The following TXNDC11 variants were observed in gnomAD, a reference collection of about 807,000 sequenced individuals.
TXNDC11 encodes the protein thioredoxin domain containing 11, also known as thioredoxin domain-containing protein 11.
Under a neutral mutation model 78.0 loss-of-function variants are expected in TXNDC11, and 68 were observed. The ratio of observed to expected loss-of-function variants is 0.87; its 90% CI spans 0.72 to 1.07. The LOEUF (loss-of-function observed/expected upper bound fraction) is 1.07. Among genes scored for constraint, TXNDC11 ranks in the 50% least tolerant of loss-of-function variants. The pLI is 0.00. For synonymous variants in TXNDC11, 571 were observed against 495.2 expected, an observed-to-expected ratio of 1.15 and a Z score of -2.03; for missense variants, 1,389 against 1,221.8, an observed-to-expected ratio of 1.14 and a Z score of -2.04.
chr16:11,679,093 C>T lies in TXNDC11; in HGVS notation c.*102G>A. ...TGACATTCAAGCTGATTTTCTAGACCACTGAGAAAATCTTTATTTACAATA... is the reference window on the plus strand; with the variant it reads ...TGACATTCAAGCTGATTTTCTAGACTACTGAGAAAATCTTTATTTACAATA... On this transcript the variant is annotated 3_prime_UTR_variant, in exon 12 of 12. Transcript: ENST00000283033. The surrounding 1 kb of genome is among the most constrained non-coding windows in gnomAD (Gnocchi z 4.6). 8.1e-7 allele frequency: 1 copy of T among 1,239,322 alleles called. No homozygotes were observed. The highest frequency in any genetic ancestry group is 2.6e-5 in the Admixed American group (1 of 37,950). The allele number at this position is 1,239,322 out of a possible 1,614,324, so 76.8% of individuals were successfully genotyped here. A position where few individuals can be genotyped will look rare whatever the true frequency, so the allele number is the denominator to read the frequency against.
At chr16:11,696,875 C>T (rs1028124318) in intron 7 of TXNDC11, among the ~76,000 whole-genome samples, 1 of 152,196 alleles carries the variant, frequency 6.6e-6, no homozygotes, top group African/African-American at 2.4e-5. Context: ...AAATACAACC[C>T]AGCCAGGACC....
At chr16:11,717,434 G>GAAAAAAAA (rs58884197) in intron 5 of TXNDC11, among the ~76,000 whole-genome samples, 32 of 62,208 alleles carry the variant, frequency 5.1e-4, no homozygotes, top group African/African-American at 7.5e-4. Context: ...GACTCCAAAT[G>GAAAAAAAA]AAAAAAAAAA....
chr16:11,699,819 G>C (rs1317572393), intron 6 of TXNDC11, among the ~76,000 whole-genome samples: 1 of 152,240 alleles, frequency 6.6e-6, no homozygotes, highest in Non-Finnish European at 1.5e-5. Flanking sequence ...CTTCAGGAAA[G>C]TCAACTCAGT....
Position 11,691,592 on chromosome 16 carries a change from G to C in TXNDC11, c.1598C>G (p.Ala533Gly), listed in dbSNP as rs749466382. The C allele has an allele frequency of 2.5e-6, 4 of 1,614,072 alleles. No individual in the cohort carries two copies. Among genetic ancestry groups the C allele is most frequent in the Non-Finnish European group, 2.5e-6 (3 of 1,180,044 alleles). The change falls in exon 8 of 12, where the codon GCA becomes GGA. Residue 533 changes from alanine to glycine, a missense_variant. Physicochemically the swap from Ala to Gly is moderately conservative, Grantham distance 60. Coordinates refer to ENST00000283033, the MANE Select transcript of TXNDC11 (RefSeq NM_015914.7). ...EQGVFEAPTV[A>G]FSSLEKKCEV... ...ACATTTCTTCTCAAGGGAAGAAAAT[G>C]CAACAGTAGGGGCTTCAAAGACACC...
At position 11,732,294 on chromosome 16, in the gene TXNDC11, T is replaced by G. The variant is rs1042937639; in HGVS notation, c.570-1520A>C. Among the ~76,000 whole-genome samples the G allele has an allele frequency of 3.3e-5, 5 of 152,170 alleles. No homozygotes were observed. The South Asian group carries it at 1.0e-3, about 31-fold the overall frequency. ...TTGATTCCATGGAACTCTTCTGATT[T>G]TAATGTCACATCACGTTATGTCCAC... On this transcript the variant is annotated intron_variant, in intron 3 of 11. Coordinates refer to ENST00000283033, the MANE Select transcript of TXNDC11 (RefSeq NM_015914.7).
intron 5 of TXNDC11, among the ~76,000 whole-genome samples, chr16:11,707,905 A>G (rs1227167153): frequency 6.6e-6 from 1 of 151,986 alleles, no homozygotes; most frequent in Non-Finnish European, 1.5e-5. Flanking sequence ...CAAGAGAGTG[A>G]GACCCTAGCT....
chr16:11,698,397 T>C, intron 6 of TXNDC11, 72 bp from the exon 7 acceptor site: 1 of 1,365,200 alleles, frequency 7.3e-7, no homozygotes, highest in Non-Finnish European at 1.0e-6. Flanking sequence ...ACATCAGTGC[T>C]GTTCCAACCC....
intron 11 of TXNDC11, 91 bp downstream of exon 11, chr16:11,684,074 T>G: frequency 1.1e-6 from 1 of 915,286 alleles, no homozygotes; most frequent in Non-Finnish European, 1.7e-6. Flanking sequence ...TTTTTGAACA[T>G]AATGAATGAT....
chr16:11,718,951 T>C (rs2051624133), intron 5 of TXNDC11, among the ~76,000 whole-genome samples: 1 of 152,256 alleles, frequency 6.6e-6, no homozygotes. Context: ...CCTTATTTTA[T>C]ATCTATTTTA....
chr16:11,691,823 C>T lies in TXNDC11; in HGVS notation c.1367G>A (p.Ser456Asn). The T allele has an allele frequency of 6.2e-7, 1 of 1,614,272 alleles. No individual in the cohort carries two copies. The highest frequency in any genetic ancestry group is 8.5e-7 in the Non-Finnish European group (1 of 1,180,040). ...VNQTSGGMKPSSVSVPQCSFF... is the reference protein window; with the variant it reads ...VNQTSGGMKPNSVSVPQCSFF... ...GCTGCACTGTGGCACGCTGACCGAG[C>T]TCGGCTTCATGCCCCCGGAGGTCTG... The change falls in exon 8 of 12, where the codon AGC becomes AAC. Residue 456 changes from serine to asparagine, a missense_variant. By Grantham distance (46) the Ser-to-Asn change is conservative. Coordinates refer to ENST00000283033, the MANE Select transcript of TXNDC11 (RefSeq NM_015914.7).
chr16:11,733,564 T>G (rs2141117802), intron 3 of TXNDC11, among the ~76,000 whole-genome samples: 1 of 152,164 alleles, frequency 6.6e-6, no homozygotes, highest in East Asian at 1.9e-4. Flanking sequence ...GACTGTGTAC[T>G]TGTAGTAATT....
At chr16:11,739,766 C>T (rs1219604607) in intron 1 of TXNDC11, among the ~76,000 whole-genome samples, 2 of 151,916 alleles carry the variant, frequency 1.3e-5, no homozygotes, top group East Asian at 1.9e-4. Context: ...CAGAAACGCA[C>T]GATTATTCAC....
chr16:11,705,116 C>T (rs2051146936), intron 5 of TXNDC11, among the ~76,000 whole-genome samples: 1 of 151,996 alleles, frequency 6.6e-6, no homozygotes, highest in Non-Finnish European at 1.5e-5. Flanking sequence ...AGGATGATCT[C>T]GAACTCCTAA....
Position 11,679,299 on chromosome 16 carries a change from G to T in TXNDC11, c.2773C>A (p.Pro925Thr). The change falls in exon 12 of 12, where the codon CCT becomes ACT. Residue 925 changes from proline to threonine, a missense_variant. Transcript: ENST00000283033. This position sits in a 1 kb window ranked among gnomAD's most constrained non-coding sequence, Gnocchi z 4.6. ...AGCTGGGGGGTGGCTGAGGGCTCAGGCTGCTTGGGGTGGACCTCTCTCTGG... is the reference window on the plus strand; with the variant it reads ...AGCTGGGGGGTGGCTGAGGGCTCAGTCTGCTTGGGGTGGACCTCTCTCTGG... The part of the protein sequence containing the change: ...AAQREVHPKQ[P>T]EPSATPQLPG... The T allele has an allele frequency of 1.2e-6, 2 of 1,612,760 alleles. No individual in the cohort carries two copies. Among genetic ancestry groups the T allele is most frequent in the Non-Finnish European group, 8.5e-7 (1 of 1,179,900 alleles).
chr16:11,717,792 G>A (rs1180960001), intron 5 of TXNDC11, among the ~76,000 whole-genome samples: 2 of 151,644 alleles, frequency 1.3e-5, no homozygotes, highest in African/African-American at 4.9e-5. Flanking sequence ...CTGCACTCCA[G>A]CCTGAACGAC....
chr16:11,742,646 C>T lies in TXNDC11; in HGVS notation c.85G>A (p.Gly29Ser). 1 of 1,460,436 alleles carries T rather than the reference C, an allele frequency of 6.8e-7. No individual in the cohort carries two copies. The highest frequency in any genetic ancestry group is 9.0e-7 in the Non-Finnish European group (1 of 1,112,042). The allele number at this position is 1,460,436 out of a possible 1,614,324, so 90.5% of individuals were successfully genotyped here. The change falls in exon 1 of 12, where the codon GGC becomes AGC. Residue 29 changes from glycine (G) to serine (S), a missense_variant. By Grantham distance (56) the Gly-to-Ser change is moderately conservative (BLOSUM62 0). Transcript: ENST00000283033. The stretch of plus-strand genomic sequence containing the variant: ...GGGCTCGAGCTGAGGCAGTCTGAGC[C>T]CGCGGGGCCGCCGCCGCCCCCTCCC... Reference protein sequence around the residue: ...DEGGGGGGPAGSDCLSSSPTL... With the variant: ...DEGGGGGGPASSDCLSSSPTL...
intron 5 of TXNDC11, among the ~76,000 whole-genome samples, chr16:11,711,729 G>A (rs1438176621): frequency 6.6e-6 from 1 of 152,150 alleles, no homozygotes; most frequent in African/African-American, 2.4e-5. Flanking sequence ...GTAAGAAGCG[G>A]AGCTTTTTAA....
intron 5 of TXNDC11, among the ~76,000 whole-genome samples, chr16:11,717,434 G>GAAAAAAAAAAAAAAAA (rs58884197): frequency 4.8e-5 from 3 of 62,328 alleles, no homozygotes; most frequent in Admixed American, 4.6e-4. Context: ...GACTCCAAAT[G>GAAAAAAAAAAAAAAAA]AAAAAAAAAA....
In TXNDC11 at chr16:11,679,969, A is replaced by G. The variant is rs2050380271; in HGVS notation, c.2235-132T>C. On this transcript the variant is annotated intron_variant, in intron 11 of 11. Transcript: ENST00000283033. The surrounding 1 kb of genome is among the most constrained non-coding windows in gnomAD (Gnocchi z 4.6). ...CGTTCCGTGGATTTTACTTACTGAA[A>G]GTAAGGAAAATGTTGCCTGGGCAAG... 3 of 809,060 alleles carry G rather than the reference A, an allele frequency of 3.7e-6. No homozygotes were observed. The highest frequency in any genetic ancestry group is 5.8e-5 in the Admixed American group (2 of 34,658). 50.1% of individuals were successfully genotyped at this position (809,060 alleles called of 1,614,324 possible). A position where few individuals can be genotyped will look rare whatever the true frequency, so the allele number is the denominator to read the frequency against.
Sources: gnomAD v4.1 joint callset for allele counts (sites outside exome capture counted in the v4.1 genomes callset) on GRCh38, gnomAD v4.1.1 for gene constraint, Gnocchi (gnomAD v3.1) non-coding constraint, MANE v1.5 for transcripts, NCBI Gene and HGNC (gene_info 2026-07-23, HGNC 2026-07-21) for gene names.